The following ZHX3 variants were observed in gnomAD, a reference collection of about 807,000 sequenced individuals.
ZHX3 encodes the protein zinc fingers and homeoboxes protein 3.
A neutral mutation model predicts 64.5 loss-of-function variants in ZHX3; 20 were observed. The ratio of observed to expected loss-of-function variants is 0.31; its 90% CI spans 0.22 to 0.45. ZHX3 has a LOEUF of 0.45. Among genes scored for constraint, ZHX3 ranks in the 20% least tolerant of loss-of-function variants. The pLI, the probability that ZHX3 is intolerant of heterozygous loss-of-function variation, is 1.00. For synonymous variants in ZHX3, 423 were observed against 461.6 expected (o/e 0.92, Z 1.07); for missense variants, 1,041 against 1,195.8 (o/e 0.87, Z 1.91).
chr20:41,293,006 T>A (rs1245476480), intron 1 of ZHX3, among the ~76,000 whole-genome samples: 1 of 152,238 alleles, frequency 6.6e-6, no homozygotes, highest in Non-Finnish European at 1.5e-5. Flanking sequence ...GTTTTCTTCA[T>A]CTACCTAGTG....
intron 1 of ZHX3, chr20:41,269,555 C>T (rs763675560): frequency 1.4e-5 from 2 of 142,580 alleles, no homozygotes; most frequent in Non-Finnish European, 3.0e-5. Context: ...TGTCTCTGAC[C>T]ATTATTACCC....
intron 2 of ZHX3, among the ~76,000 whole-genome samples, chr20:41,248,140 A>G (rs2041805892): frequency 6.6e-6 from 1 of 152,208 alleles, no homozygotes; most frequent in Non-Finnish European, 1.5e-5. Context: ...TCAGCTTTAC[A>G]TATACTCCTC....
At chr20:41,311,922 G>T (rs1195517823) in intron 1 of ZHX3, among the ~76,000 whole-genome samples, 1 of 152,198 alleles carries the variant, frequency 6.6e-6, no homozygotes, top group Non-Finnish European at 1.5e-5. Flanking sequence ...TGGACTCTGG[G>T]CAGAGCACTG....
At chr20:41,270,177 G>A (rs6102335) in intron 1 of ZHX3, among the ~76,000 whole-genome samples, 8,214 of 151,126 alleles carry the variant, frequency 0.054, 735 homozygotes, top group African/African-American at 0.19. Context: ...GGATCACGAA[G>A]TCAAGAGTTT....
chr20:41,294,275 G>C (rs77552825), intron 1 of ZHX3, among the ~76,000 whole-genome samples: 1 of 152,174 alleles, frequency 6.6e-6, no homozygotes, highest in Non-Finnish European at 1.5e-5. Flanking sequence ...TAACAATTTA[G>C]AATTAACAGC....
At chr20:41,316,018 A>G (rs900078543) in intron 1 of ZHX3, among the ~76,000 whole-genome samples, 1 of 151,918 alleles carries the variant, frequency 6.6e-6, no homozygotes, top group Non-Finnish European at 1.5e-5. Context: ...TATGAAAAAA[A>G]AAAAAACAAA....
chr20:41,231,442 C>T (rs1183688213), intron 2 of ZHX3, among the ~76,000 whole-genome samples: 2 of 152,124 alleles, frequency 1.3e-5, no homozygotes, highest in East Asian at 3.9e-4. Flanking sequence ...TTTCTTTAAC[C>T]CCCTCCCTCA....
intron 1 of ZHX3, among the ~76,000 whole-genome samples, chr20:41,307,149 A>T (rs2045004028): frequency 6.6e-6 from 1 of 152,240 alleles, no homozygotes; most frequent in Non-Finnish European, 1.5e-5. Context: ...GCCACTCTGG[A>T]CATGGCTTCA....
At chr20:41,218,404 A>G (rs1457858911) in intron 2 of ZHX3, among the ~76,000 whole-genome samples, 2 of 151,162 alleles carry the variant, frequency 1.3e-5, no homozygotes, top group Non-Finnish European at 3.0e-5. Context: ...GGATTATGCT[A>G]CTGCACTTTA....
At chr20:41,206,799 A>G (rs891918760) in intron 2 of ZHX3, among the ~76,000 whole-genome samples, 3 of 152,184 alleles carry the variant, frequency 2.0e-5, no homozygotes, top group Admixed American at 6.5e-5. Context: ...TACAGAGAAC[A>G]ACATAAAGAT....
intron 1 of ZHX3, among the ~76,000 whole-genome samples, chr20:41,283,630 C>T (rs539862581): frequency 1.2e-4 from 18 of 152,142 alleles, no homozygotes; most frequent in African/African-American, 3.4e-4. Flanking sequence ...TGGTGGCATG[C>T]GCCTGTATCC....
chr20:41,300,215 G>A (rs1243240292), intron 1 of ZHX3: 2 of 152,208 alleles, frequency 1.3e-5, no homozygotes, highest in African/African-American at 4.8e-5. Context: ...GGATGGGAGG[G>A]TAGGAGTGGA....
At chr20:41,311,090 G>C (rs1600680704) in intron 1 of ZHX3, among the ~76,000 whole-genome samples, 1 of 152,210 alleles carries the variant, frequency 6.6e-6, no homozygotes, top group African/African-American at 2.4e-5. Flanking sequence ...TTACAGGCGT[G>C]AGCCACCGTG....
intron 2 of ZHX3, among the ~76,000 whole-genome samples, chr20:41,250,370 TG>T (rs1236528040): frequency 6.6e-6 from 1 of 152,168 alleles, no homozygotes; most frequent in African/African-American, 2.4e-5. Context: ...ATAGACAAAA[TG>T]TCCGAAGTAG....
chr20:41,287,481 A>AGTGTAGG (rs2043995753), intron 1 of ZHX3, among the ~76,000 whole-genome samples: 1 of 152,144 alleles, frequency 6.6e-6, no homozygotes, highest in African/African-American at 2.4e-5. Context: ...GGCCAGACTT[A>AGTGTAGG]CTGACTCATT....
chr20:41,276,939 TTCTAACACACA>T (rs1333017207), intron 1 of ZHX3, among the ~76,000 whole-genome samples: 4 of 152,262 alleles, frequency 2.6e-5, no homozygotes, highest in Non-Finnish European at 4.4e-5. Flanking sequence ...AGGAGTATGT[TTCTAACACACA>T]TCATGGATAA....
chr20:41,293,528 T>C (rs1314618269), intron 1 of ZHX3, among the ~76,000 whole-genome samples: 3 of 151,884 alleles, frequency 2.0e-5, no homozygotes, highest in Non-Finnish European at 4.4e-5. Flanking sequence ...CGTAAAAGAA[T>C]ATAAACAACC....
chr20:41,189,262 G>A (rs1001008437), intron 3 of ZHX3, among the ~76,000 whole-genome samples: 1 of 152,154 alleles, frequency 6.6e-6, no homozygotes, highest in Non-Finnish European at 1.5e-5. Flanking sequence ...ATATTTTGAA[G>A]TCAGGTAATG....
chr20:41,264,650 A>G (rs1003922176), intron 2 of ZHX3, among the ~76,000 whole-genome samples: 5 of 152,022 alleles, frequency 3.3e-5, no homozygotes, highest in Non-Finnish European at 5.9e-5. Context: ...TGTTATAGAA[A>G]TCATGCCAAA....
Sources: allele counts gnomAD v4.1 joint callset (sites outside exome capture counted in the v4.1 genomes callset), GRCh38; gene constraint gnomAD v4.1.1; transcripts MANE v1.5; gene names NCBI Gene and HGNC (gene_info 2026-07-23, HGNC 2026-07-21).